The following DOCK11 variants were observed in gnomAD, a reference collection of about 807,000 sequenced individuals.
DOCK11 encodes the protein dedicator of cytokinesis 11, also known as dedicator of cytokinesis protein 11.
DOCK11 carries 70 observed loss-of-function variants against 169.1 expected under a neutral mutation model. The observed-to-expected ratio is 0.41, with a 90% CI of 0.34 to 0.51. DOCK11 has a LOEUF of 0.51. Among genes scored for constraint, DOCK11 ranks in the 20% least tolerant of loss-of-function variants. DOCK11 has a pLI of 0.10. For missense variants in DOCK11, 1,166 were observed against 1,538.8 expected (o/e 0.76, Z 4.05); for synonymous variants, 529 against 541.3 (o/e 0.98, Z 0.32).
At chrX:118,666,677 C>A (rs2016345562) in intron 45 of DOCK11, among the ~76,000 whole-genome samples, 2 of 111,908 alleles carry the variant, frequency 1.8e-5, no homozygotes, top group African/African-American at 6.5e-5. Context: ...TTTAAACATT[C>A]CTATCTATGA....
intron 46 of DOCK11, among the ~76,000 whole-genome samples, chrX:118,673,419 C>G (rs956979041): frequency 1.8e-5 from 2 of 111,481 alleles, no homozygotes; most frequent in Admixed American, 1.9e-4. Context: ...CTTCAGTGAG[C>G]TATGATTGAG....
intron 42 of DOCK11, among the ~76,000 whole-genome samples, chrX:118,653,538 G>A (rs113856285): frequency 9.1e-6 from 1 of 110,146 alleles, no homozygotes; most frequent in Non-Finnish European, 1.9e-5. Flanking sequence ...TCAGCCTCCC[G>A]AGTAGCTGGG....
intron 40 of DOCK11, among the ~76,000 whole-genome samples, chrX:118,646,659 A>G (rs1045123700): frequency 8.9e-6 from 1 of 111,888 alleles, no homozygotes; most frequent in Non-Finnish European, 1.9e-5. Flanking sequence ...GAGCTACACT[A>G]TAGCTATGAT....
chrX:118,658,468 G>T (rs1049447866), intron 44 of DOCK11, among the ~76,000 whole-genome samples: 3 of 112,056 alleles, frequency 2.7e-5, no homozygotes, highest in Non-Finnish European at 5.6e-5. Context: ...CCCCTCAAAG[G>T]TGACTGCACA....
At chrX:118,597,200 A>AT (rs1239400831) in intron 20 of DOCK11, among the ~76,000 whole-genome samples, 4 of 111,657 alleles carry the variant, frequency 3.6e-5, no homozygotes, top group African/African-American at 6.5e-5. Context: ...TGCTGTTCCC[A>AT]TTTTTATGGT....
chrX:118,646,383 G>A (rs1251937672), intron 40 of DOCK11, among the ~76,000 whole-genome samples: 6 of 111,055 alleles, frequency 5.4e-5, no homozygotes. Context: ...ACATTGGAGA[G>A]AAACAACGTA....
At chrX:118,617,696 A>G (rs1462169846) in intron 30 of DOCK11, among the ~76,000 whole-genome samples, 1 of 110,392 alleles carries the variant, frequency 9.1e-6, no homozygotes, top group Non-Finnish European at 1.9e-5. Context: ...CCTGGCCAAC[A>G]TGGTGAAACC....
intron 1 of DOCK11, among the ~76,000 whole-genome samples, chrX:118,527,317 G>T (rs2011399791): frequency 8.9e-6 from 1 of 112,256 alleles, no homozygotes; most frequent in Non-Finnish European, 1.9e-5. Flanking sequence ...TTAGGCTGGG[G>T]CTTCACATAG....
chrX:118,522,337 C>G (rs1397617528), intron 1 of DOCK11, among the ~76,000 whole-genome samples: 17 of 111,043 alleles, frequency 1.5e-4, no homozygotes, highest in African/African-American at 5.2e-4. Flanking sequence ...AGCATGCACT[C>G]CAGAGTTAAA....
At chrX:118,597,341 C>G in intron 20 of DOCK11, 90 bp from the exon 21 acceptor site, 2 of 1,142,944 alleles carry the variant, frequency 1.7e-6, no homozygotes, top group Non-Finnish European at 1.2e-6. Flanking sequence ...GGAGACATCA[C>G]CACCCTGCCC....
intron 31 of DOCK11, among the ~76,000 whole-genome samples, chrX:118,620,144 G>T (rs1368867567): frequency 9.0e-6 from 1 of 111,060 alleles, no homozygotes; most frequent in African/African-American, 3.3e-5. Context: ...CATATATATT[G>T]AAATCTTACT....
At chrX:118,554,059 G>A (rs764238033) in intron 6 of DOCK11, among the ~76,000 whole-genome samples, 1 of 111,715 alleles carries the variant, frequency 9.0e-6, no homozygotes, top group South Asian at 3.7e-4. Context: ...CTGGAGTGCA[G>A]TGGCACAATC....
At position 118,649,145 on chromosome X, in the gene DOCK11, C is replaced by A. The variant is rs761759322; in HGVS notation, c.4581+18C>A. 2.6e-6 allele frequency: 3 copies of A among 1,143,251 alleles called. No individual in the cohort carries two copies. The highest frequency in any genetic ancestry group is 3.5e-6 in the Non-Finnish European group (3 of 861,382). The allele number at this position is 1,143,251 out of a possible 1,213,427, so 94.2% of individuals were successfully genotyped here. On this transcript the variant is annotated intron_variant, in intron 41 of 52. Transcript: ENST00000276202. ...ATCTACAGGTCAGTGAAAATAAAAGCGCCTCTTCATCTTTCTTCTCTTCAA... is the reference window on the plus strand; with the variant it reads ...ATCTACAGGTCAGTGAAAATAAAAGAGCCTCTTCATCTTTCTTCTCTTCAA...
chrX:118,616,217 C>T (rs1336841898), intron 30 of DOCK11: 12 of 962,300 alleles, frequency 1.2e-5, no homozygotes, highest in South Asian at 2.0e-5. Flanking sequence ...TTTTCATTTG[C>T]GGTGGACCGT....
intron 20 of DOCK11, among the ~76,000 whole-genome samples, chrX:118,595,005 G>A (rs1435318634): frequency 9.0e-6 from 1 of 111,187 alleles, no homozygotes; most frequent in Non-Finnish European, 1.9e-5. Context: ...TTGAACAGGA[G>A]GCATCAGATT....
At chrX:118,538,783 A>G in intron 1 of DOCK11, 1 of 412,989 alleles carries the variant, frequency 2.4e-6, no homozygotes, top group Non-Finnish European at 3.1e-6. Context: ...AGGATAAATT[A>G]CAAAGCTGAA....
At chrX:118,666,288 T>C (rs2016337999) in intron 45 of DOCK11, among the ~76,000 whole-genome samples, 1 of 111,745 alleles carries the variant, frequency 8.9e-6, no homozygotes, top group African/African-American at 3.3e-5. Context: ...ATAATTAATA[T>C]GTAATAAAAT....
intron 46 of DOCK11, among the ~76,000 whole-genome samples, chrX:118,672,762 T>C (rs2016517070): frequency 8.9e-6 from 1 of 112,866 alleles, no homozygotes; most frequent in Non-Finnish European, 1.9e-5. Context: ...ATAAAGCAGT[T>C]AGGCCTTTCC....
intron 41 of DOCK11, among the ~76,000 whole-genome samples, chrX:118,650,398 T>C (rs1223715904): frequency 8.9e-6 from 1 of 111,935 alleles, no homozygotes; most frequent in Non-Finnish European, 1.9e-5. Flanking sequence ...GTAGCCTTCA[T>C]TGTAATATGG....
Sources: gnomAD v4.1 joint callset for allele counts (sites outside exome capture counted in the v4.1 genomes callset) on GRCh38, gnomAD v4.1.1 for gene constraint, MANE v1.5 for transcripts, NCBI Gene and HGNC (gene_info 2026-07-23, HGNC 2026-07-21) for gene names.